SESTD1: variants seen among roughly 807,000 people sequenced by gnomAD.
SESTD1 encodes the protein SEC14 domain and spectrin repeat-containing protein 1.
In SESTD1, 43 loss-of-function variants were observed where a neutral mutation model predicts 101.7. That is an observed-to-expected ratio of 0.42 (90% CI 0.33 to 0.55). The LOEUF (loss-of-function observed/expected upper bound fraction) is 0.55. SESTD1 is among the 20% of genes least tolerant of loss of function. The pLI, the probability that SESTD1 is intolerant of heterozygous loss-of-function variation, is 0.07. For synonymous variants in SESTD1, 283 were observed against 286.8 expected (o/e 0.99, Z 0.13); for missense variants, 647 against 815.1 (o/e 0.79, Z 2.51).
At chr2:179,205,447 T>C (rs1170961337) in intron 1 of SESTD1, among the ~76,000 whole-genome samples, 1 of 134,326 alleles carries the variant, frequency 7.4e-6, no homozygotes, top group Non-Finnish European at 1.6e-5. Context: ...ACTTAATTTT[T>C]CACAACTGCA....
rs538727119 is a variant in SESTD1 at position 179,144,160 on chromosome 2, A to G, written c.638-357T>C. On this transcript the variant is annotated intron_variant, in intron 8 of 17. Coordinates refer to ENST00000428443, the MANE Select transcript of SESTD1 (RefSeq NM_178123.5). ...TCACATTTTTGTTATTGGTGAATTC[A>G]TTACTCAGGATACTGTGCCAAACAA... Among the ~76,000 whole-genome samples, 145 of 152,134 alleles carry G rather than the reference A, an allele frequency of 9.5e-4. 1 individual carries two copies. Among genetic ancestry groups the G allele is most frequent in the African/African-American group, 3.2e-3 (132 of 41,540 alleles).
At chr2:179,116,834 T>C (rs2044643778) in intron 14 of SESTD1, 44 bp from the exon 15 acceptor site, 3 of 1,592,830 alleles carry the variant, frequency 1.9e-6, no homozygotes, top group Non-Finnish European at 2.6e-6. Context: ...CAGAACTCTT[T>C]ACTTATTGTA....
intron 1 of SESTD1, among the ~76,000 whole-genome samples, chr2:179,246,927 A>C (rs2047240789): frequency 6.6e-6 from 1 of 152,230 alleles, no homozygotes; most frequent in Non-Finnish European, 1.5e-5. Flanking sequence ...GTCTGACCAA[A>C]TCCAACTTTG....
chr2:179,185,497 ATT>A (rs1244459318), intron 2 of SESTD1, among the ~76,000 whole-genome samples: 2 of 140,314 alleles, frequency 1.4e-5, no homozygotes, highest in African/African-American at 5.2e-5. Context: ...TACAATATAT[ATT>A]ATATCGTATA....
intron 17 of SESTD1, among the ~76,000 whole-genome samples, chr2:179,110,716 G>A (rs2044488253): frequency 6.6e-6 from 1 of 152,104 alleles, no homozygotes; most frequent in Non-Finnish European, 1.5e-5. Flanking sequence ...AGGTATAAAA[G>A]AGAAATCTGT....
Position 179,104,210 on chromosome 2 carries a change from G to A in SESTD1, c.*5689C>T, listed in dbSNP as rs370485142. ...CTCTTAAAGGCTTCTGAGACTATTC[G>A]TAAGTGTGATGTGAGCAATCAGTTC... is the stretch of plus-strand genomic sequence containing the variant. On this transcript the variant is annotated 3_prime_UTR_variant, in exon 18 of 18. Transcript: ENST00000428443. 57 of 152,130 alleles carry A rather than the reference G, an allele frequency of 3.7e-4. No individual in the cohort carries two copies. The highest frequency in any genetic ancestry group is 1.3e-3 in the African/African-American group (52 of 41,506). The allele number at this position is 152,130 out of a possible 1,614,324, so 9.4% of individuals were successfully genotyped here. A position where few individuals can be genotyped will look rare whatever the true frequency, so the allele number is the denominator to read the frequency against.
At position 179,257,334 on chromosome 2, in the gene SESTD1, G is replaced by C. The variant is rs555849340; in HGVS notation, c.-26+7165C>G. The stretch of plus-strand genomic sequence containing the variant: ...AGGTAAGACCTTCCACCAGCAAAAA[G>C]ATTACAACTCACTTAGGCTCAGAGG... On this transcript the variant is annotated intron_variant, in intron 1 of 17. Coordinates refer to ENST00000428443, the MANE Select transcript of SESTD1 (RefSeq NM_178123.5). 3.3e-5 allele frequency among the ~76,000 whole-genome samples: 5 copies of C among 152,304 alleles called. No individual in the cohort carries two copies. In the East Asian group the frequency reaches 9.6e-4, roughly 29 times the overall value.
intron 2 of SESTD1, among the ~76,000 whole-genome samples, chr2:179,185,560 T>C (rs553035254): frequency 7.5e-6 from 1 of 133,402 alleles, no homozygotes; most frequent in African/African-American, 2.9e-5. Context: ...ACATATGTTA[T>C]ATATGTATAT....
Position 179,211,631 on chromosome 2 carries a change from G to GCA in SESTD1, c.-25-19767_-25-19766dup, listed in dbSNP as rs145783981. 3.9e-4 allele frequency among the ~76,000 whole-genome samples: 51 copies of GCA among 130,796 alleles called. 9 individuals carry two copies. The highest frequency in any genetic ancestry group is 6.4e-4 in the African/African-American group (21 of 32,988). The allele number at this position is 130,796 out of a possible 152,430, so 85.8% of individuals were successfully genotyped here. ...TTGGCAAGAAACGTCACACACACAT[G>GCA]CACACACACACACACAAACACATCA... On this transcript the variant is annotated intron_variant, in intron 1 of 17. Coordinates refer to ENST00000428443, the MANE Select transcript of SESTD1 (RefSeq NM_178123.5).
intron 2 of SESTD1, among the ~76,000 whole-genome samples, chr2:179,188,404 A>G (rs1214197492): frequency 1.3e-5 from 2 of 152,230 alleles, no homozygotes; most frequent in Admixed American, 1.3e-4. Flanking sequence ...ACAACGTATC[A>G]AAGTGAGCGA....
intron 6 of SESTD1, among the ~76,000 whole-genome samples, chr2:179,150,362 T>C (rs1479452974): frequency 2.0e-5 from 3 of 151,406 alleles, no homozygotes; most frequent in African/African-American, 7.3e-5. Flanking sequence ...AAAAAAAAAA[T>C]CAAATTACAC....
chr2:179,123,580 CTT>C, intron 12 of SESTD1, 133 bp downstream of exon 12: 1 of 638,326 alleles, frequency 1.6e-6, no homozygotes, highest in Non-Finnish European at 2.7e-6. Context: ...GGAATAAAAT[CTT>C]TTTATACTAT....
chr2:179,229,749 T>TTGAG (rs1491118463), intron 1 of SESTD1, among the ~76,000 whole-genome samples: 4 of 106,362 alleles, frequency 3.8e-5, no homozygotes, highest in African/African-American at 1.3e-4. Context: ...TTGTAAGAAC[T>TTGAG]TATATATATA....
At chr2:179,121,574 G>T (rs1305609409) in intron 13 of SESTD1, among the ~76,000 whole-genome samples, 196 bp downstream of exon 13, 1 of 151,560 alleles carries the variant, frequency 6.6e-6, no homozygotes, top group Admixed American at 6.6e-5. Context: ...AAAGGAAAAT[G>T]GTACCTAATA....
chr2:179,115,179 T>C lies in SESTD1; in HGVS notation c.1725A>G (p.Ser575=). The part of the protein sequence containing the change: ...LCQSLRCTSR[S]SGDTLPRLNR... ...TCAGTCGAGGAAGTGTATCCCCAGA[T>C]GACCGAGAAGTGCAGCGCAAAGATT... Residue 575 remains serine, a synonymous_variant, in exon 16 of 18, where the codon TCA becomes TCG. Transcript: ENST00000428443. 1 of 1,614,094 alleles carries C rather than the reference T, an allele frequency of 6.2e-7. No homozygotes were observed. The highest frequency in any genetic ancestry group is 1.1e-5 in the South Asian group (1 of 91,062).
intron 1 of SESTD1, among the ~76,000 whole-genome samples, chr2:179,246,146 T>A (rs950957431): frequency 4.0e-5 from 6 of 150,026 alleles, no homozygotes; most frequent in African/African-American, 1.2e-4. Flanking sequence ...TCCCAGATAC[T>A]CAGGAGGCTG....
chr2:179,143,879 A>G, intron 8 of SESTD1, 76 bp from the exon 9 acceptor site: 1 of 1,484,168 alleles, frequency 6.7e-7, no homozygotes, highest in Non-Finnish European at 9.1e-7. Flanking sequence ...TCCCAATTCT[A>G]GTCCCTTGTT....
chr2:179,228,002 T>C (rs767406022), intron 1 of SESTD1, among the ~76,000 whole-genome samples: 16 of 152,148 alleles, frequency 1.1e-4, no homozygotes, highest in African/African-American at 2.4e-4. Context: ...CCCACTCACA[T>C]TGGTCTCACT....
intron 5 of SESTD1, among the ~76,000 whole-genome samples, chr2:179,157,744 G>T (rs2045658443): frequency 6.6e-6 from 1 of 152,080 alleles, no homozygotes; most frequent in African/African-American, 2.4e-5. Flanking sequence ...ATTATTTAGT[G>T]GAGCTAAATT....
Sources: gnomAD v4.1 joint callset for allele counts (sites outside exome capture counted in the v4.1 genomes callset) on GRCh38, gnomAD v4.1.1 for gene constraint, MANE v1.5 for transcripts, NCBI Gene and HGNC (gene_info 2026-07-23, HGNC 2026-07-21) for gene names.